EIF5: variants seen among roughly 807,000 people sequenced by gnomAD.
EIF5 encodes eukaryotic translation initiation factor 5.
EIF5 carries 10 observed loss-of-function variants against 48.3 expected under a neutral mutation model. The observed-to-expected ratio is 0.21, with a 90% confidence interval of 0.13 to 0.35. The LOEUF (loss-of-function observed/expected upper bound fraction) is 0.35, where lower values mean the gene tolerates loss of function less well. Ranked by LOEUF, EIF5 falls within the 10% of genes least tolerant of loss-of-function variation. EIF5 has a pLI of 1.00. For synonymous variants in EIF5, 237 were observed against 173.1 expected (o/e 1.37, Z -2.90); for missense variants, 397 against 533.2 (o/e 0.74, Z 2.51).
rs771848345 is a variant in EIF5 at position 103,336,767 on chromosome 14, C to T, written c.245C>T (p.Ala82Val). The change falls in exon 5 of 12, where the codon GCG becomes GTG. Residue 82 changes from alanine to valine, a missense_variant. Transcript: ENST00000216554. ...TACATTGTCAATGGATCTCATGAGG[C>T]GAATAAGCTGCAAGACATGTTGGAT... ...DRYIVNGSHE[A>V]NKLQDMLDGF... The T allele has an allele frequency of 3.8e-5, 62 of 1,613,840 alleles. No homozygotes were observed. In the Admixed American group the frequency reaches 4.7e-4, roughly 12 times the overall value.
intron 11 of EIF5, 25 bp from the exon 12 acceptor site, chr14:103,340,938 T>C (rs773770377): frequency 1.2e-5 from 19 of 1,605,684 alleles, no homozygotes; most frequent in Middle Eastern, 1.6e-4. Context: ...CAGCTTATGT[T>C]GAATAAAATC....
In EIF5 at chr14:103,336,774, G is replaced by A; in HGVS notation, c.252G>A (p.Lys84=). The A allele has an allele frequency of 1.9e-6, 3 of 1,614,156 alleles. No individual in the cohort carries two copies. Among genetic ancestry groups the A allele is most frequent in the South Asian group, 2.2e-5 (2 of 91,078 alleles). Reference sequence around the variant, plus strand: ...TCAATGGATCTCATGAGGCGAATAAGCTGCAAGACATGTTGGATGGATTCA... The same window carrying A: ...TCAATGGATCTCATGAGGCGAATAAACTGCAAGACATGTTGGATGGATTCA... The part of the protein sequence containing the change: ...YIVNGSHEAN[K]LQDMLDGFIK... The change falls in exon 5 of 12, where the codon AAG becomes AAA. Residue 84 remains lysine (K), a synonymous_variant. Coordinates refer to ENST00000216554, the MANE Select transcript of EIF5 (RefSeq NM_001969.5).
rs994579402 is a variant in EIF5 at position 103,335,692 on chromosome 14, T to A, written c.-169T>A. ...CATTGGTACCTGTATTGGGGAAACA[T>A]AGCATACAAGCAAGAAGCTTACAGC... is the stretch of plus-strand genomic sequence containing the variant. On this transcript the variant is annotated 5_prime_UTR_variant, in exon 3 of 12. Coordinates refer to ENST00000216554, the MANE Select transcript of EIF5 (RefSeq NM_001969.5). 2 of 643,740 alleles carry A rather than the reference T, an allele frequency of 3.1e-6. No individual in the cohort carries two copies. Among genetic ancestry groups the A allele is most frequent in the East Asian group, 2.7e-5 (1 of 36,858 alleles). The allele number at this position is 643,740 out of a possible 1,614,324, so 39.9% of individuals were successfully genotyped here.
chr14:103,335,201 C>G (rs1008245799), intron 2 of EIF5: 1 of 151,344 alleles, frequency 6.6e-6, no homozygotes, highest in Non-Finnish European at 1.5e-5. Flanking sequence ...CCATGGTTGC[C>G]GAAGCAACGA....
rs561722748 is a variant in EIF5 at position 103,340,614 on chromosome 14, G to A, written c.1206+53G>A. 6 of 1,568,190 alleles carry A rather than the reference G, an allele frequency of 3.8e-6. No homozygotes were observed. In the African/African-American group the frequency reaches 4.1e-5, roughly 11 times the overall value. ...ATACAGTGCTGGCATGGGTGTTTGA[G>A]ATTTAAAAAGGTTTGTGAGGAGTGA... On this transcript the variant is annotated intron_variant, in intron 11 of 11. Transcript: ENST00000216554.
At chr14:103,340,888 GACC>G (rs1160744630) in intron 11 of EIF5, 72 bp from the exon 12 acceptor site, 1 of 1,480,912 alleles carries the variant, frequency 6.8e-7, no homozygotes, top group Non-Finnish European at 9.4e-7. Flanking sequence ...CCTCCTCTGT[GACC>G]ACAATTTACA....
At position 103,342,088 on chromosome 14, in the gene EIF5, T is replaced by C. The variant is rs1218360593; in HGVS notation, c.*1036T>C. ...TATGCTTTTTAGATTTTGGTTGCTT[T>C]CTTGCCAAAATAAGTGTTAACTGTG... On this transcript the variant is annotated 3_prime_UTR_variant, in exon 12 of 12. Coordinates refer to ENST00000216554, the MANE Select transcript of EIF5 (RefSeq NM_001969.5). 1.3e-5 allele frequency: 2 copies of C among 152,674 alleles called. No homozygotes were observed. Among genetic ancestry groups the C allele is most frequent in the Admixed American group, 1.3e-4 (2 of 15,288 alleles). 9.5% of individuals were successfully genotyped at this position (152,674 alleles called of 1,614,324 possible). A position where few individuals can be genotyped will look rare whatever the true frequency, so the allele number is the denominator to read the frequency against.
rs2089388909 is a variant in EIF5 at position 103,344,411 on chromosome 14, T to C, written c.*3359T>C. ...TGCAATGTCAGGACCTCCAGGTGAA[T>C]GGTAGGATCTGAGTTGACCCTGCAG... is the stretch of plus-strand genomic sequence containing the variant. On this transcript the variant is annotated 3_prime_UTR_variant, in exon 12 of 12. Transcript: ENST00000216554. 6.6e-6 allele frequency: 1 copy of C among 152,196 alleles called. No homozygotes were observed. The highest frequency in any genetic ancestry group is 2.4e-5 in the African/African-American group (1 of 41,446). 9.4% of individuals were successfully genotyped at this position (152,196 alleles called of 1,614,324 possible).
Position 103,338,878 on chromosome 14 carries a change from C to T in EIF5, c.729C>T (p.Leu243=), listed in dbSNP as rs749888858. ...CAATTGAGGAGAGGGTCAATATCCT[C>T]TTTGATTTTGTTAAGGTAAAACATT... The part of the protein sequence containing the change: ...ERTIEERVNI[L]FDFVKKKKEE... Residue 243 remains leucine, a synonymous_variant, in exon 8 of 12, where the codon CTC becomes CTT. Transcript: ENST00000216554. The T allele has an allele frequency of 6.8e-6, 11 of 1,613,444 alleles. No homozygotes were observed. The highest frequency in any genetic ancestry group is 5.3e-5 in the African/African-American group (4 of 74,902).
At position 103,342,586 on chromosome 14, in the gene EIF5, A is replaced by T. The variant is rs1010770124; in HGVS notation, c.*1534A>T. ...CTTAATAACAAATAGGCGTAAAAAAATTTTCACATTGAAATGATAGAAACA... is the reference window on the plus strand; with the variant it reads ...CTTAATAACAAATAGGCGTAAAAAATTTTTCACATTGAAATGATAGAAACA... On this transcript the variant is annotated 3_prime_UTR_variant, in exon 12 of 12. Coordinates refer to ENST00000216554, the MANE Select transcript of EIF5 (RefSeq NM_001969.5). The T allele has an allele frequency of 2.0e-5, 3 of 152,556 alleles. No homozygotes were observed. The highest frequency in any genetic ancestry group is 6.5e-5 in the Admixed American group (1 of 15,298). The allele number at this position is 152,556 out of a possible 1,614,324, so 9.5% of individuals were successfully genotyped here.
At chr14:103,334,752 C>T (rs934355132) in intron 2 of EIF5, 155 bp downstream of exon 2, 1 of 147,940 alleles carries the variant, frequency 6.8e-6, no homozygotes, top group East Asian at 2.0e-4. Context: ...GCTCCCCGGC[C>T]CGGCCTCGCC....
At chr14:103,338,278 G>C in intron 6 of EIF5, 49 bp from the exon 7 acceptor site, 2 of 1,594,362 alleles carry the variant, frequency 1.3e-6, no homozygotes, top group Non-Finnish European at 8.5e-7. Flanking sequence ...TGGGCAATGA[G>C]GTAATGTAAG....
At chr14:103,335,037 C>T (rs898475489) in intron 2 of EIF5, 1 of 152,246 alleles carries the variant, frequency 6.6e-6, no homozygotes, top group African/African-American at 2.4e-5. Context: ...CCTCGGAGCG[C>T]GGTAGCCATG....
In EIF5 at chr14:103,341,023, G is replaced by A; in HGVS notation, c.1267G>A (p.Asp423Asn). ...TGAGACTGTAAAGTCAGACAACAAG[G>A]ATGACGACATCGATATTGATGCCAT... ...KVETVKSDNK[D>N]DDIDIDAI Residue 423 changes from aspartate (D) to asparagine (N), a missense_variant, in exon 12 of 12, where the codon GAT becomes AAT. Physicochemically the swap from Asp to Asn is conservative, Grantham distance 23. This residue lies in a region of EIF5 where 160 missense variants were observed against 184.8 expected (regional missense o/e 0.87). Coordinates refer to ENST00000216554, the MANE Select transcript of EIF5 (RefSeq NM_001969.5). The A allele has an allele frequency of 6.2e-7, 1 of 1,614,138 alleles. No individual in the cohort carries two copies. The highest frequency in any genetic ancestry group is 1.3e-5 in the African/African-American group (1 of 75,052).
rs1357816729 is a variant in EIF5 at position 103,344,450 on chromosome 14, T to C, written c.*3398T>C. On this transcript the variant is annotated 3_prime_UTR_variant, in exon 12 of 12. Transcript: ENST00000216554. ...TTGACCCTGCAGTTCGGTTATGCAGTCAATTATTTCTTTTTAAGAGGAGGA... is the reference window on the plus strand; with the variant it reads ...TTGACCCTGCAGTTCGGTTATGCAGCCAATTATTTCTTTTTAAGAGGAGGA... 6.6e-6 allele frequency: 1 copy of C among 152,214 alleles called. No individual in the cohort carries two copies. Among genetic ancestry groups the C allele is most frequent in the African/African-American group, 2.4e-5 (1 of 41,452 alleles). The allele number at this position is 152,214 out of a possible 1,614,324, so 9.4% of individuals were successfully genotyped here.
At chr14:103,339,135 C>G (rs768929388) in intron 8 of EIF5, 37 bp from the exon 9 acceptor site, 1 of 1,576,202 alleles carries the variant, frequency 6.3e-7, no homozygotes, top group South Asian at 1.2e-5. Flanking sequence ...GCAAAGTGTG[C>G]CTCCATTGCA....
Position 103,343,332 on chromosome 14 carries a change from T to G in EIF5, c.*2280T>G, listed in dbSNP as rs1302215780. 1 of 152,234 alleles carries G rather than the reference T, an allele frequency of 6.6e-6. No individual in the cohort carries two copies. The highest frequency in any genetic ancestry group is 1.5e-5 in the Non-Finnish European group (1 of 68,036). The allele number at this position is 152,234 out of a possible 1,614,324, so 9.4% of individuals were successfully genotyped here. A position where few individuals can be genotyped will look rare whatever the true frequency, so the allele number is the denominator to read the frequency against. On this transcript the variant is annotated 3_prime_UTR_variant, in exon 12 of 12. Transcript: ENST00000216554. ...CACTCACAAAAGTTGTTCATTTCAT[T>G]GGGTCACTGGCTTTATTTGCTAGTC...
rs747748708 is a variant in EIF5 at position 103,339,778 on chromosome 14, A to T, written c.1046A>T (p.Glu349Val). Residue 349 changes from glutamate to valine, a missense_variant, in exon 10 of 12, where the codon GAG becomes GTG. Around this residue, in one of 4 missense-constraint regions of EIF5, gnomAD observed 160 missense variants for 184.8 expected, o/e 0.87. Coordinates refer to ENST00000216554, the MANE Select transcript of EIF5 (RefSeq NM_001969.5). ...EMYDADLLEEEVIISWSEKAS... is the reference protein window; with the variant it reads ...EMYDADLLEEVVIISWSEKAS... ...TACGATGCAGACCTTTTAGAAGAAG[A>T]GGTCATCATCAGCTGGTCGGAAAAG... 6.2e-7 allele frequency: 1 copy of T among 1,614,168 alleles called. No homozygotes were observed. The highest frequency in any genetic ancestry group is 8.5e-7 in the Non-Finnish European group (1 of 1,180,016).
At position 103,344,721 on chromosome 14, in the gene EIF5, G is replaced by T. The variant is rs1399591676; in HGVS notation, c.*3669G>T. ...CAGTTAACTAAAAAATAAAAATCAAGTCTTTAGGAGAGTAGAAAACACAAT... is the reference window on the plus strand; with the variant it reads ...CAGTTAACTAAAAAATAAAAATCAATTCTTTAGGAGAGTAGAAAACACAAT... On this transcript the variant is annotated 3_prime_UTR_variant, in exon 12 of 12. Coordinates refer to ENST00000216554, the MANE Select transcript of EIF5 (RefSeq NM_001969.5). 6.6e-6 allele frequency: 1 copy of T among 152,046 alleles called. No homozygotes were observed. Among genetic ancestry groups the T allele is most frequent in the Non-Finnish European group, 1.5e-5 (1 of 67,984 alleles). 9.4% of individuals were successfully genotyped at this position (152,046 alleles called of 1,614,324 possible).
Sources: allele counts gnomAD v4.1 joint callset, GRCh38; gene constraint gnomAD v4.1.1; regional missense constraint gnomAD v4.1.1; transcripts MANE v1.5; gene names NCBI Gene and HGNC (gene_info 2026-07-23, HGNC 2026-07-21).